Variants in NRG3 observed in about 807,000 individuals in gnomAD.
NRG3 encodes neuregulin 3.
NRG3 carries 31 observed loss-of-function variants against 66.9 expected under a neutral mutation model. The ratio of observed to expected loss-of-function variants is 0.46; its 90% confidence interval spans 0.35 to 0.63. The LOEUF (loss-of-function observed/expected upper bound fraction) is 0.63, where lower values mean the gene tolerates loss of function less well. Among genes scored for constraint, NRG3 ranks in the 20% least tolerant of loss-of-function variants. The probability of loss-of-function intolerance (pLI) is 0.00; values close to 1 mark genes in which losing one functional copy is unlikely to be tolerated. For missense variants in NRG3, 910 were observed against 878.9 expected, an observed-to-expected ratio of 1.04 and a Z score of -0.45; for synonymous variants, 393 against 359.4, an observed-to-expected ratio of 1.09 and a Z score of -1.06.
At chr10:82,978,827 C>A in intron 7 of NRG3, 123 bp from the exon 8 acceptor site, 2 of 972,560 alleles carry the variant, frequency 2.1e-6, no homozygotes, top group Non-Finnish European at 3.1e-6. Context: ...ATGGCCCTGG[C>A]CTAGAACTTT....
At chr10:82,132,481 T>TATATATC (rs1554831183) in intron 1 of NRG3, among the ~76,000 whole-genome samples, 2 of 7,316 alleles carry the variant, frequency 2.7e-4, no homozygotes, top group African/African-American at 1.4e-3. Context: ...ATATATATGA[T>TATATATC]ATATATATAT....
At chr10:82,695,933 G>A (rs913404398) in intron 2 of NRG3, among the ~76,000 whole-genome samples, 3 of 152,060 alleles carry the variant, frequency 2.0e-5, no homozygotes, top group African/African-American at 7.2e-5. Context: ...TTTTGAGTCA[G>A]CACCTCCATC....
At chr10:82,024,349 T>A (rs181451926) in intron 1 of NRG3, among the ~76,000 whole-genome samples, 1 of 152,120 alleles carries the variant, frequency 6.6e-6, no homozygotes, top group East Asian at 1.9e-4. Context: ...TTTTTTCTGC[T>A]CTGATCTTTA....
chr10:82,353,423 A>G (rs2083558812), intron 1 of NRG3, among the ~76,000 whole-genome samples: 1 of 152,104 alleles, frequency 6.6e-6, no homozygotes, highest in African/African-American at 2.4e-5. Context: ...TTCCAACCCA[A>G]CATTTTCTTC....
At chr10:82,639,141 G>C (rs2050396466) in intron 2 of NRG3, among the ~76,000 whole-genome samples, 1 of 152,144 alleles carries the variant, frequency 6.6e-6, no homozygotes, top group Admixed American at 6.6e-5. Context: ...TCTTCCTGCT[G>C]TATAACAAAA....
chr10:82,460,043 T>C (rs1438358568), intron 2 of NRG3, among the ~76,000 whole-genome samples: 1 of 152,132 alleles, frequency 6.6e-6, no homozygotes, highest in East Asian at 1.9e-4. Flanking sequence ...CTAACTGGAG[T>C]GAGGATTGCA....
intron 1 of NRG3, among the ~76,000 whole-genome samples, chr10:82,027,926 G>C (rs1032390875): frequency 1.3e-5 from 2 of 152,208 alleles, no homozygotes; most frequent in East Asian, 3.9e-4. Context: ...ACTCAGATCC[G>C]GGTTGTGCAA....
At chr10:81,958,579 C>T (rs1241341810) in intron 1 of NRG3, among the ~76,000 whole-genome samples, 2 of 152,044 alleles carry the variant, frequency 1.3e-5, no homozygotes, top group Non-Finnish European at 2.9e-5. Context: ...TACTCATATG[C>T]GTAAAGTACA....
intron 1 of NRG3, among the ~76,000 whole-genome samples, chr10:82,095,335 A>C (rs1446112242): frequency 6.6e-6 from 1 of 152,168 alleles, no homozygotes; most frequent in Non-Finnish European, 1.5e-5. Context: ...TTTATTTGTA[A>C]AGATGGTGTT....
At chr10:82,957,896 G>A (rs974248002) in intron 5 of NRG3, among the ~76,000 whole-genome samples, 3 of 48,134 alleles carry the variant, frequency 6.2e-5, no homozygotes, top group East Asian at 3.8e-3. Context: ...AGGTGTGCGT[G>A]TGTGTGTGTG....
intron 2 of NRG3, among the ~76,000 whole-genome samples, chr10:82,388,429 G>A (rs901815592): frequency 6.6e-6 from 1 of 152,174 alleles, no homozygotes; most frequent in Admixed American, 6.5e-5. Flanking sequence ...TAGTGGAGAA[G>A]GAAAATAGGT....
intron 2 of NRG3, among the ~76,000 whole-genome samples, chr10:82,651,317 A>C (rs2051397177): frequency 6.6e-6 from 1 of 152,236 alleles, no homozygotes; most frequent in South Asian, 2.1e-4. Context: ...CCAGATTAAA[A>C]AGAGATCTCC....
intron 2 of NRG3, among the ~76,000 whole-genome samples, chr10:82,511,408 G>T (rs1426740161): frequency 6.6e-6 from 1 of 152,178 alleles, no homozygotes; most frequent in East Asian, 1.9e-4. Flanking sequence ...CGTATTCTCT[G>T]TATGATGCAC....
At chr10:82,717,970 A>G (rs764290510) in intron 2 of NRG3, among the ~76,000 whole-genome samples, 17 of 152,020 alleles carry the variant, frequency 1.1e-4, no homozygotes, top group Non-Finnish European at 1.9e-4. Context: ...CAGCTGTGGG[A>G]TAATAACCAC....
intron 2 of NRG3, among the ~76,000 whole-genome samples, chr10:82,437,898 G>T (rs1463395159): frequency 6.6e-6 from 1 of 152,150 alleles, no homozygotes; most frequent in African/African-American, 2.4e-5. Flanking sequence ...AAGGAGCCTG[G>T]TGAACAGCAA....
intron 1 of NRG3, among the ~76,000 whole-genome samples, chr10:81,995,305 C>T (rs187348295): frequency 2.2e-4 from 33 of 152,260 alleles, no homozygotes; most frequent in Middle Eastern, 3.4e-3. Flanking sequence ...AATGTTTTTC[C>T]TACAATTGTT....
chr10:82,788,983 G>T (rs1259141283), intron 3 of NRG3, among the ~76,000 whole-genome samples: 1 of 151,970 alleles, frequency 6.6e-6, no homozygotes. Context: ...GAACATTCAT[G>T]TACAAGTTTT....
At chr10:81,877,242 G>T (rs973502971) in intron 1 of NRG3, among the ~76,000 whole-genome samples, 3 of 152,096 alleles carry the variant, frequency 2.0e-5, no homozygotes, top group Non-Finnish European at 4.4e-5. Flanking sequence ...CCCCCACCTT[G>T]TTCTTATTCA....
At chr10:82,419,928 A>C (rs369961705) in intron 2 of NRG3, among the ~76,000 whole-genome samples, 52 of 152,320 alleles carry the variant, frequency 3.4e-4, no homozygotes, top group African/African-American at 1.2e-3. Context: ...CAGAGACACT[A>C]ATATACTCAC....
Sources: gnomAD v4.1 joint callset for allele counts (sites outside exome capture counted in the v4.1 genomes callset) on GRCh38, gnomAD v4.1.1 for gene constraint, MANE v1.5 for transcripts, NCBI Gene and HGNC (gene_info 2026-07-23, HGNC 2026-07-21) for gene names.